Variants in APOL1 observed in about 807,000 individuals in gnomAD.
APOL1 encodes the protein apolipoprotein L 1.
Under a neutral mutation model 14.9 loss-of-function variants are expected in APOL1, and 17 were observed. The observed-to-expected ratio is 1.14, with a 90% CI of 0.78 to 1.71. The LOEUF (loss-of-function observed/expected upper bound fraction) is 1.71, where lower values mean the gene tolerates loss of function less well. APOL1 is among the 40% of genes most tolerant of loss of function. The pLI is 0.00. For synonymous variants in APOL1, 195 were observed against 184.8 expected, an observed-to-expected ratio of 1.05 and a Z score of -0.45; for missense variants, 523 against 485.9, an observed-to-expected ratio of 1.08 and a Z score of -0.72.
intron 4 of APOL1, chr22:36,257,700 G>A (rs548849529): frequency 3.9e-5 from 12 of 305,842 alleles, no homozygotes; most frequent in Non-Finnish European, 5.7e-5. Context: ...AATCAGCGGG[G>A]GGGGGGGGGA....
At chr22:36,264,790 C>T (rs987640160) in intron 5 of APOL1, among the ~76,000 whole-genome samples, 2 of 150,388 alleles carry the variant, frequency 1.3e-5, no homozygotes, top group Admixed American at 1.3e-4. Flanking sequence ...GCTCATTTCA[C>T]AGACAGGGAA....
At chr22:36,258,826 CG>C (rs2015979429) in intron 4 of APOL1, among the ~76,000 whole-genome samples, 1 of 151,948 alleles carries the variant, frequency 6.6e-6, no homozygotes, top group Admixed American at 6.6e-5. Flanking sequence ...GGCTGTGGTG[CG>C]GGTGGGTGTG....
rs772138899 is a variant in APOL1 at position 36,265,632 on chromosome 22, C to A, written c.796C>A (p.Leu266Ile). ...EFLGENISNF[L>I]SLAGNTYQLT... ...TTTGGGTGAGAACATATCCAACTTT[C>A]TTTCCTTAGCTGGCAATACTTACCA... The change falls in exon 6 of 6, where the codon CTT becomes ATT. Residue 266 changes from leucine (L) to isoleucine (I), a missense_variant. Physicochemically the swap from Leu to Ile is conservative, Grantham distance 5. Coordinates refer to ENST00000397278, the MANE Select transcript of APOL1 (RefSeq NM_003661.4). The A allele has an allele frequency of 2.4e-5, 39 of 1,595,456 alleles. No homozygotes were observed. The highest frequency in any genetic ancestry group is 3.1e-5 in the Non-Finnish European group (36 of 1,171,106).
Position 36,265,668 on chromosome 22 carries a change from G to C in APOL1, c.832G>C (p.Gly278Arg). 6.2e-7 allele frequency: 1 copy of C among 1,603,296 alleles called. No individual in the cohort carries two copies. Among genetic ancestry groups the C allele is most frequent in the Non-Finnish European group, 8.5e-7 (1 of 1,174,064 alleles). ...TGGCAATACTTACCAACTCACACGA[G>C]GCATTGGGAAGGACATCCGTGCCCT... Reference protein sequence around the residue: ...LAGNTYQLTRGIGKDIRALRR... With the variant: ...LAGNTYQLTRRIGKDIRALRR... The change falls in exon 6 of 6, where the codon GGC becomes CGC. Residue 278 changes from glycine (G) to arginine (R), a missense_variant. By Grantham distance (125) the Gly-to-Arg change is moderately radical. Transcript: ENST00000397278.
In APOL1 at chr22:36,265,884, G is replaced by A. The variant is rs2146313032; in HGVS notation, c.1048G>A (p.Val350Ile). The change falls in exon 6 of 6, where the codon GTC becomes ATC. Residue 350 changes from valine to isoleucine, a missense_variant. Transcript: ENST00000397278. ...PVSFFLVLDV[V>I]YLVYESKHLH... ...AAGCTTCTTTCTTGTGCTGGATGTA[G>A]TCTACCTCGTGTACGAATCAAAGCA... 2 of 1,614,196 alleles carry A rather than the reference G, an allele frequency of 1.2e-6. No homozygotes were observed. Among genetic ancestry groups the A allele is most frequent in the South Asian group, 1.1e-5 (1 of 91,084 alleles).
Position 36,255,010 on chromosome 22 carries a change from C to A in APOL1, c.44+11C>A. On this transcript the variant is annotated intron_variant, in intron 2 of 5. Transcript: ENST00000397278. ...TGTCCTCTGCATCTGGTGAGCTTGG[C>A]TCAGAGCCCTGAGGCGGGAGGGAGG... The A allele has an allele frequency of 6.2e-7, 1 of 1,612,580 alleles. No homozygotes were observed.
chr22:36,257,689 G>C (rs1476762975), intron 4 of APOL1: 6 of 244,598 alleles, frequency 2.5e-5, no homozygotes, highest in African/African-American at 2.0e-4. Context: ...TGGGGAAGTG[G>C]AATCAGCGGG....
intron 4 of APOL1, 117 bp downstream of exon 4, chr22:36,257,524 G>A (rs2015924730): frequency 1.9e-6 from 2 of 1,055,708 alleles, no homozygotes; most frequent in Non-Finnish European, 2.9e-6. Context: ...CAATGAGTCT[G>A]CCCAAAGCAG....
At position 36,265,527 on chromosome 22, in the gene APOL1, G is replaced by A. The variant is rs146925617; in HGVS notation, c.691G>A (p.Gly231Arg). Residue 231 changes from glycine to arginine, a missense_variant, in exon 6 of 6, where the codon GGA becomes AGA. Gly to Arg is a moderately radical substitution (Grantham distance 125, BLOSUM62 -2). Transcript: ENST00000397278. ...TGITSSTMDYGKKWWTQAQAH... is the reference protein window; with the variant it reads ...TGITSSTMDYRKKWWTQAQAH... ...GATTACCAGCAGTACCATGGACTAC[G>A]GAAAGAAGTGGTGGACACAAGCCCA... The A allele has an allele frequency of 5.8e-4, 939 of 1,610,020 alleles. 2 individuals carry two copies. Among genetic ancestry groups the A allele is most frequent in the Non-Finnish European group, 7.7e-4 (911 of 1,178,482 alleles).
intron 2 of APOL1, among the ~76,000 whole-genome samples, chr22:36,255,463 T>C (rs2015841418): frequency 1.3e-5 from 2 of 152,176 alleles, no homozygotes; most frequent in South Asian, 2.1e-4. Context: ...CTGTCACCCT[T>C]GTCCCTTACA....
intron 5 of APOL1, among the ~76,000 whole-genome samples, chr22:36,262,265 A>C (rs2016099694): frequency 6.6e-6 from 1 of 152,164 alleles, no homozygotes; most frequent in Non-Finnish European, 1.5e-5. Context: ...GAGGAATTCC[A>C]TAAACACGGC....
chr22:36,258,155 C>CT (rs1488367990), intron 4 of APOL1, among the ~76,000 whole-genome samples: 15 of 152,170 alleles, frequency 9.9e-5, no homozygotes, highest in Admixed American at 7.2e-4. Context: ...CCCGTCCCCC[C>CT]CCAGCTGTGT....
chr22:36,260,036 C>T (rs1362985198), intron 4 of APOL1: 1 of 878,830 alleles, frequency 1.1e-6, no homozygotes, highest in East Asian at 6.8e-5. Flanking sequence ...AAATCCTGAG[C>T]TTCCTGCTTG....
At chr22:36,260,069 G>A (rs1489258493) in intron 4 of APOL1, among the ~76,000 whole-genome samples, 2 of 152,154 alleles carry the variant, frequency 1.3e-5, no homozygotes, top group African/African-American at 4.8e-5. Context: ...GGTGACTCTC[G>A]CTGTCTGGAT....
At chr22:36,259,385 C>T (rs1032407508) in intron 4 of APOL1, among the ~76,000 whole-genome samples, 17 of 152,196 alleles carry the variant, frequency 1.1e-4, no homozygotes, top group African/African-American at 7.2e-5. Flanking sequence ...AAGACAATCG[C>T]TCGCCCAGCC....
intron 4 of APOL1, chr22:36,259,696 G>C: frequency 7.7e-7 from 1 of 1,303,862 alleles, no homozygotes; most frequent in South Asian, 1.2e-5. Flanking sequence ...GGTGACAGTG[G>C]AGAGCCGTGT....
chr22:36,262,130 G>C (rs1262006299), intron 5 of APOL1, among the ~76,000 whole-genome samples: 1 of 152,206 alleles, frequency 6.6e-6, no homozygotes, highest in Admixed American at 6.5e-5. Context: ...ACAGAACCAG[G>C]GTTAAGGATC....
chr22:36,259,757 G>C, intron 4 of APOL1: 5 of 1,304,252 alleles, frequency 3.8e-6, no homozygotes, highest in Non-Finnish European at 5.1e-6. Context: ...GTGCCTCAAG[G>C]ATCAGTGCTG....
intron 4 of APOL1, chr22:36,259,952 C>A (rs1178386315): frequency 1.1e-5 from 14 of 1,231,122 alleles, no homozygotes; most frequent in African/African-American, 1.6e-5. Context: ...AGACCACAGG[C>A]ATTTTCAAAA....
Sources: allele counts gnomAD v4.1 joint callset (sites outside exome capture counted in the v4.1 genomes callset), GRCh38; gene constraint gnomAD v4.1.1; transcripts MANE v1.5; gene names NCBI Gene and HGNC (gene_info 2026-07-23, HGNC 2026-07-21).